Variants in NDST3 observed in about 807,000 individuals in gnomAD.
The protein encoded by NDST3 is N-deacetylase and N-sulfotransferase 3.
In NDST3, 58 loss-of-function variants were observed where a neutral mutation model predicts 96.1. That is an observed-to-expected ratio of 0.60 (90% CI 0.49 to 0.75). The LOEUF is 0.75. Among genes scored for constraint, NDST3 ranks in the 30% least tolerant of loss-of-function variants. The pLI is 0.00. For missense variants in NDST3, 788 were observed against 1,034.2 expected (o/e 0.76, Z 3.27); for synonymous variants, 333 against 359.7 (o/e 0.93, Z 0.84).
intron 6 of NDST3, among the ~76,000 whole-genome samples, chr4:118,183,981 C>A (rs1736766577): frequency 2.0e-5 from 3 of 152,198 alleles, no homozygotes; most frequent in Admixed American, 1.3e-4. Flanking sequence ...CTACCACTTA[C>A]TCACGGTGCT....
intron 11 of NDST3, among the ~76,000 whole-genome samples, chr4:118,241,547 T>C (rs1226973799): frequency 6.6e-6 from 1 of 152,212 alleles, no homozygotes. Context: ...CATGTTCAAG[T>C]TTCCTGAGAA....
At chr4:118,140,932 A>T (rs1301409794) in intron 5 of NDST3, among the ~76,000 whole-genome samples, 2 of 152,110 alleles carry the variant, frequency 1.3e-5, no homozygotes, top group Non-Finnish European at 2.9e-5. Context: ...TCAGCCAGAG[A>T]CCTCTAAAAA....
At chr4:118,178,944 C>T (rs1736432634) in intron 6 of NDST3, among the ~76,000 whole-genome samples, 1 of 151,896 alleles carries the variant, frequency 6.6e-6, no homozygotes. Flanking sequence ...TAAAAGTTGG[C>T]CAGCTACAAT....
At position 118,234,856 on chromosome 4, in the gene NDST3, C is replaced by A. The variant is rs1205711174; in HGVS notation, c.1943+1721C>A. 2.0e-5 allele frequency among the ~76,000 whole-genome samples: 3 copies of A among 151,858 alleles called. No individual in the cohort carries two copies. In the East Asian group the frequency reaches 5.9e-4, roughly 30 times the overall value. On this transcript the variant is annotated intron_variant, in intron 9 of 13. Transcript: ENST00000296499. ...ACCAGCCTGGCCAACATGGCAAAAC[C>A]CCGTCTCTACTAAAAATACAAAAAT...
At chr4:118,158,421 G>C (rs4833563) in intron 6 of NDST3, among the ~76,000 whole-genome samples, 123,978 of 152,056 alleles carry the variant, frequency 0.82, 52,882 homozygotes, top group South Asian at 0.95. Flanking sequence ...ATTTTAGCAT[G>C]AAAAAAATGG....
chr4:118,181,359 G>A (rs1411099405), intron 6 of NDST3, among the ~76,000 whole-genome samples: 3 of 152,094 alleles, frequency 2.0e-5, no homozygotes, highest in Non-Finnish European at 4.4e-5. Flanking sequence ...AGGAGGAGCA[G>A]GAAATGGAAA....
intron 6 of NDST3, among the ~76,000 whole-genome samples, chr4:118,180,188 A>G (rs1736521227): frequency 6.6e-6 from 1 of 152,040 alleles, no homozygotes; most frequent in Admixed American, 6.6e-5. Context: ...TTGGGGTTCA[A>G]ATGATCCCAT....
intron 6 of NDST3, among the ~76,000 whole-genome samples, chr4:118,222,349 C>T (rs1739603845): frequency 6.6e-6 from 1 of 151,410 alleles, no homozygotes; most frequent in East Asian, 1.9e-4. Context: ...GTTACATGTT[C>T]AGCAAAAGAT....
intron 6 of NDST3, among the ~76,000 whole-genome samples, chr4:118,167,703 A>G (rs1433463255): frequency 6.6e-6 from 1 of 152,078 alleles, no homozygotes; most frequent in African/African-American, 2.4e-5. Flanking sequence ...GTGATGTTAC[A>G]AAGATAGACA....
intron 4 of NDST3, among the ~76,000 whole-genome samples, chr4:118,126,079 T>G (rs1732036535): frequency 6.6e-6 from 1 of 152,046 alleles, no homozygotes; most frequent in African/African-American, 2.4e-5. Flanking sequence ...TAAGCTGAAT[T>G]GTGGTGTAGC....
At chr4:118,066,303 G>A (rs370259767) in intron 2 of NDST3, among the ~76,000 whole-genome samples, 19 of 1,298 alleles carry the variant, frequency 0.015, 3 homozygotes, top group South Asian at 0.12. Context: ...TATATATTAT[G>A]TATTATATAT....
chr4:118,161,685 G>A (rs1180745383), intron 6 of NDST3, among the ~76,000 whole-genome samples: 1 of 152,186 alleles, frequency 6.6e-6, no homozygotes, highest in African/African-American at 2.4e-5. Context: ...CCATGTGAGG[G>A]ATATAATCTC....
intron 6 of NDST3, among the ~76,000 whole-genome samples, chr4:118,154,574 A>C (rs1268624906): frequency 1.3e-5 from 2 of 152,204 alleles, no homozygotes; most frequent in African/African-American, 4.8e-5. Context: ...AATGGCCCTA[A>C]ATCTTTAGCA....
intron 8 of NDST3, among the ~76,000 whole-genome samples, chr4:118,231,290 C>A (rs1398705707): frequency 6.6e-6 from 1 of 151,208 alleles, no homozygotes; most frequent in Non-Finnish European, 1.5e-5. Context: ...GAGCCCAGAT[C>A]GTGCCACTGC....
At chr4:118,139,456 G>C (rs1733390647) in intron 5 of NDST3, among the ~76,000 whole-genome samples, 1 of 152,182 alleles carries the variant, frequency 6.6e-6, no homozygotes, top group African/African-American at 2.4e-5. Context: ...TCTTGGATGA[G>C]AGTTTCCAAG....
chr4:118,221,238 CT>C (rs1300313216), intron 6 of NDST3, among the ~76,000 whole-genome samples: 10 of 152,104 alleles, frequency 6.6e-5, no homozygotes, highest in African/African-American at 2.4e-4. Flanking sequence ...TCTCTTCTAC[CT>C]TCTGAATTCT....
Position 118,237,198 on chromosome 4 carries a change from A to G in NDST3, c.2096A>G (p.Asp699Gly), listed in dbSNP as rs1740698137. 1 of 1,612,304 alleles carries G rather than the reference A, an allele frequency of 6.2e-7. No individual in the cohort carries two copies. The highest frequency in any genetic ancestry group is 1.7e-5 in the Admixed American group (1 of 59,768). The change falls in exon 10 of 14, where the codon GAC becomes GGC. Residue 699 changes from aspartate to glycine, a missense_variant. This residue lies in a region of NDST3 where 490 missense variants were observed against 708.8 expected (regional missense o/e 0.69). Coordinates refer to ENST00000296499, the MANE Select transcript of NDST3 (RefSeq NM_004784.3). ...ATCACCATTCTCATTGACCCTTCAG[A>G]CCGAGCATACTCCTGGTACCAGGTA... ...KIITILIDPSDRAYSWYQHQR... is the reference protein window; with the variant it reads ...KIITILIDPSGRAYSWYQHQR...
At chr4:118,125,978 G>A (rs996109049) in intron 4 of NDST3, among the ~76,000 whole-genome samples, 2 of 151,940 alleles carry the variant, frequency 1.3e-5, no homozygotes, top group Admixed American at 6.6e-5. Context: ...GGGCCACTCT[G>A]CCAACATCCA....
chr4:118,057,200 G>C (rs1725498417), intron 2 of NDST3, among the ~76,000 whole-genome samples: 1 of 152,010 alleles, frequency 6.6e-6, no homozygotes, highest in African/African-American at 2.4e-5. Context: ...TCATGAAAGA[G>C]AATATAAGGA....
Sources: allele counts gnomAD v4.1 joint callset (sites outside exome capture counted in the v4.1 genomes callset), GRCh38; gene constraint gnomAD v4.1.1; regional missense constraint gnomAD v4.1.1; transcripts MANE v1.5; gene names NCBI Gene and HGNC (gene_info 2026-07-23, HGNC 2026-07-21).